PPM1D: variants seen among roughly 807,000 people sequenced by gnomAD.
The protein encoded by PPM1D is protein phosphatase 1D.
In PPM1D, 52 loss-of-function variants were observed where a neutral mutation model predicts 58.3. That is an observed-to-expected ratio of 0.89 (90% CI 0.71 to 1.12). The LOEUF is 1.12. PPM1D is among the 50% of genes most tolerant of loss of function. The pLI, the probability that PPM1D is intolerant of heterozygous loss-of-function variation, is 0.00. For missense variants in PPM1D, 564 were observed against 777.2 expected, an observed-to-expected ratio of 0.73 and a Z score of 3.26; for synonymous variants, 278 against 285.1, an observed-to-expected ratio of 0.98 and a Z score of 0.25.
chr17:60,623,808 A>G (rs937965120), intron 2 of PPM1D, 59 bp downstream of exon 2: 21 of 1,519,468 alleles, frequency 1.4e-5, no homozygotes, highest in Admixed American at 7.5e-5. Context: ...TTTATGCTTT[A>G]CTAATGAAAT....
At chr17:60,632,887 A>G (rs1205974092) in intron 2 of PPM1D, among the ~76,000 whole-genome samples, 1 of 151,880 alleles carries the variant, frequency 6.6e-6, no homozygotes, top group Non-Finnish European at 1.5e-5. Context: ...TAATCGCTTG[A>G]ACCCAGGAGG....
chr17:60,661,837 A>C (rs2143728823), intron 5 of PPM1D, among the ~76,000 whole-genome samples: 1 of 152,274 alleles, frequency 6.6e-6, no homozygotes, highest in Non-Finnish European at 1.5e-5. Context: ...TAATGTTGTA[A>C]TGCTTTCCAC....
chr17:60,663,683 G>T lies in PPM1D; in HGVS notation c.*131G>T, dbSNP rs1362058791. 1.0e-6 allele frequency: 1 copy of T among 1,001,778 alleles called. No homozygotes were observed. The highest frequency in any genetic ancestry group is 1.6e-5 in the African/African-American group (1 of 61,232). 62.1% of individuals were successfully genotyped at this position (1,001,778 alleles called of 1,614,324 possible). A position where few individuals can be genotyped will look rare whatever the true frequency, so the allele number is the denominator to read the frequency against. On this transcript the variant is annotated 3_prime_UTR_variant, in exon 6 of 6. Transcript: ENST00000305921. ...ATACAGTTTGACTTTTTGGAATTCA[G>T]CAGTTTTATCCTGGCCTTGTACTTG...
At chr17:60,656,544 TGTA>T in intron 4 of PPM1D, 52 bp from the exon 5 acceptor site, 1 of 1,591,570 alleles carries the variant, frequency 6.3e-7, no homozygotes, top group Non-Finnish European at 8.6e-7. Flanking sequence ...TAGATACAGA[TGTA>T]GTGGCAGCTA....
chr17:60,614,055 C>A (rs1449357431), intron 1 of PPM1D, among the ~76,000 whole-genome samples: 1 of 152,240 alleles, frequency 6.6e-6, no homozygotes, highest in Non-Finnish European at 1.5e-5. Flanking sequence ...GGCAGCTCCA[C>A]CTGCGGCCCC....
Position 60,665,314 on chromosome 17 carries a change from A to G in PPM1D, c.*1762A>G, listed in dbSNP as rs2031598527. 1 of 151,810 alleles carries G rather than the reference A, an allele frequency of 6.6e-6. No individual in the cohort carries two copies. The highest frequency in any genetic ancestry group is 2.1e-4 in the South Asian group (1 of 4,826). 9.4% of individuals were successfully genotyped at this position (151,810 alleles called of 1,614,324 possible). On this transcript the variant is annotated 3_prime_UTR_variant, in exon 6 of 6. Coordinates refer to ENST00000305921, the MANE Select transcript of PPM1D (RefSeq NM_003620.4). ...TATTTCTTACATTTCAGTTCAAGTG[A>G]TTTTCATGTCTCAGCCTCCTGAGTA... is the stretch of plus-strand genomic sequence containing the variant.
Position 60,663,055 on chromosome 17 carries a change from C to A in PPM1D, c.1321C>A (p.Arg441Ser). 6.2e-7 allele frequency: 1 copy of A among 1,614,060 alleles called. No individual in the cohort carries two copies. Among genetic ancestry groups the A allele is most frequent in the East Asian group, 2.2e-5 (1 of 44,882 alleles). The part of the protein sequence containing the change: ...NSKDHIPALV[R>S]SNAFSENFLE... ...TAAGGACCATATACCTGCCCTGGTT[C>A]GTAGCAATGCCTTCTCAGAGAATTT... The change falls in exon 6 of 6, where the codon CGT becomes AGT. Residue 441 changes from arginine (R) to serine (S), a missense_variant. Transcript: ENST00000305921.
At chr17:60,609,720 A>G (rs1331432318) in intron 1 of PPM1D, among the ~76,000 whole-genome samples, 2 of 151,570 alleles carry the variant, frequency 1.3e-5, no homozygotes, top group African/African-American at 2.4e-5. Flanking sequence ...TATCGGATCA[A>G]CTCTTATGGT....
In PPM1D at chr17:60,665,268, C is replaced by T. The variant is rs769491765; in HGVS notation, c.*1716C>T. On this transcript the variant is annotated 3_prime_UTR_variant, in exon 6 of 6. Coordinates refer to ENST00000305921, the MANE Select transcript of PPM1D (RefSeq NM_003620.4). ...ACAGGCGTGAGCCACCGCATCCGGC[C>T]TGAGTTTTATGCTTTCAATGTATTT... 7 of 152,178 alleles carry T rather than the reference C, an allele frequency of 4.6e-5. No homozygotes were observed. The highest frequency in any genetic ancestry group is 8.8e-5 in the Non-Finnish European group (6 of 68,058). The allele number at this position is 152,178 out of a possible 1,614,324, so 9.4% of individuals were successfully genotyped here. A position where few individuals can be genotyped will look rare whatever the true frequency, so the allele number is the denominator to read the frequency against.
intron 2 of PPM1D, among the ~76,000 whole-genome samples, chr17:60,632,919 A>T (rs1025344850): frequency 1.3e-5 from 2 of 151,912 alleles, no homozygotes; most frequent in African/African-American, 4.8e-5. Context: ...GTGAGTCGAG[A>T]TGGTGCCACT....
intron 4 of PPM1D, among the ~76,000 whole-genome samples, chr17:60,654,836 C>G (rs2031405311): frequency 6.6e-6 from 1 of 150,520 alleles, no homozygotes; most frequent in South Asian, 2.1e-4. Flanking sequence ...CCATTGCACT[C>G]CAGCCTGGGC....
intron 4 of PPM1D, among the ~76,000 whole-genome samples, chr17:60,654,990 A>G (rs1266414034): frequency 1.3e-5 from 2 of 152,190 alleles, no homozygotes; most frequent in Non-Finnish European, 2.9e-5. Flanking sequence ...CATATATGAC[A>G]CTGGAAGTTT....
At chr17:60,657,951 A>G (rs547951549) in intron 5 of PPM1D, among the ~76,000 whole-genome samples, 1 of 152,120 alleles carries the variant, frequency 6.6e-6, no homozygotes, top group East Asian at 1.9e-4. Flanking sequence ...ATGTTGTCCA[A>G]GCTGGTCTTG....
chr17:60,649,096 T>A (rs904998613), intron 4 of PPM1D, among the ~76,000 whole-genome samples: 12 of 151,918 alleles, frequency 7.9e-5, no homozygotes, highest in African/African-American at 2.9e-4. Context: ...TTTGTTTTTT[T>A]TTCCCCCCAA....
At chr17:60,635,362 T>A (rs1192532668) in intron 3 of PPM1D, among the ~76,000 whole-genome samples, 1 of 152,052 alleles carries the variant, frequency 6.6e-6, no homozygotes, top group African/African-American at 2.4e-5. Flanking sequence ...ATTACAGGCA[T>A]GCACCACCAC....
At chr17:60,641,776 G>GT (rs1163173409) in intron 3 of PPM1D, among the ~76,000 whole-genome samples, 1 of 152,192 alleles carries the variant, frequency 6.6e-6, no homozygotes, top group Admixed American at 6.5e-5. Context: ...ATTAGAGGGG[G>GT]TAAACATTGT....
intron 4 of PPM1D, among the ~76,000 whole-genome samples, chr17:60,655,141 TTATATA>T (rs970321767): frequency 6.6e-6 from 1 of 151,890 alleles, no homozygotes; most frequent in South Asian, 2.1e-4. Context: ...CATTGACTGT[TTATATA>T]TATATATGAG....
chr17:60,604,264 G>C (rs2030283647), intron 1 of PPM1D, among the ~76,000 whole-genome samples: 2 of 152,294 alleles, frequency 1.3e-5, no homozygotes, highest in South Asian at 4.1e-4. Context: ...CACTGTTGTG[G>C]ATACACATTA....
intron 3 of PPM1D, among the ~76,000 whole-genome samples, chr17:60,637,261 G>GT (rs1003916489): frequency 3.3e-5 from 5 of 150,510 alleles, no homozygotes; most frequent in African/African-American, 4.9e-5. Flanking sequence ...TTCTTTTTTT[G>GT]TTTTTTTGAG....
Sources: gnomAD v4.1 joint callset for allele counts (sites outside exome capture counted in the v4.1 genomes callset) on GRCh38, gnomAD v4.1.1 for gene constraint, MANE v1.5 for transcripts, NCBI Gene and HGNC (gene_info 2026-07-23, HGNC 2026-07-21) for gene names.